Variants in PRKCH observed in about 807,000 individuals in gnomAD.
PRKCH encodes protein kinase C eta type.
In PRKCH, 28 loss-of-function variants were observed where a neutral mutation model predicts 82.5. That is an observed-to-expected ratio of 0.34 (90% confidence interval 0.25 to 0.47). The LOEUF (loss-of-function observed/expected upper bound fraction) is 0.47. Among genes scored for constraint, PRKCH ranks in the 20% least tolerant of loss-of-function variants. The pLI, the probability that PRKCH is intolerant of heterozygous loss-of-function variation, is 1.00. For missense variants in PRKCH, 705 were observed against 881.8 expected, an observed-to-expected ratio of 0.80 and a Z score of 2.54; for synonymous variants, 322 against 327.4, an observed-to-expected ratio of 0.98 and a Z score of 0.18.
At chr14:61,375,932 A>C (rs1278327258) in intron 1 of PRKCH, among the ~76,000 whole-genome samples, 1 of 151,140 alleles carries the variant, frequency 6.6e-6, no homozygotes, top group Non-Finnish European at 1.5e-5. Context: ...CAGGAGAATC[A>C]CTTGAACCCG....
Position 61,280,768 on chromosome 14 carries a change from G to C in PRKCH, c.-19+93100G>C. On this transcript the variant is annotated intron_variant, in intron 1 of 3. Transcript: ENST00000555185. The surrounding 1 kb of genome is among the most constrained non-coding windows in gnomAD (Gnocchi z 5.0). Reference sequence around the variant, plus strand: ...TCCGCTCAGCTGCGCGTCGTCGCGGGACACGCCGTAGCGCCGGTTGTTCTG... The same window carrying C: ...TCCGCTCAGCTGCGCGTCGTCGCGGCACACGCCGTAGCGCCGGTTGTTCTG... 6.4e-7 allele frequency: 1 copy of C among 1,558,064 alleles called. No individual in the cohort carries two copies. The highest frequency in any genetic ancestry group is 1.2e-5 in the South Asian group (1 of 83,488).
intron 1 of PRKCH, among the ~76,000 whole-genome samples, chr14:61,316,299 A>C (rs2045561668): frequency 6.6e-6 from 1 of 152,164 alleles, no homozygotes; most frequent in Non-Finnish European, 1.5e-5. Flanking sequence ...CTCTAATTCT[A>C]TTAAATGGAA....
intron 1 of PRKCH, among the ~76,000 whole-genome samples, chr14:61,274,185 G>A (rs942594423): frequency 3.3e-5 from 5 of 152,228 alleles, no homozygotes; most frequent in African/African-American, 1.2e-4. Flanking sequence ...AAGAATGAAT[G>A]AGTAAATTCT....
chr14:61,315,425 T>C (rs2045554732), intron 1 of PRKCH, among the ~76,000 whole-genome samples: 1 of 152,196 alleles, frequency 6.6e-6, no homozygotes, highest in Non-Finnish European at 1.5e-5. Flanking sequence ...GAAATAGAGA[T>C]AATAACATTT....
At chr14:61,319,403 GC>G (rs1057144873), upstream of PRKCH, among the ~76,000 whole-genome samples, 3 of 152,086 alleles carry the variant, frequency 2.0e-5, no homozygotes, top group Non-Finnish European at 4.4e-5. Context: ...GGGACTGTAA[GC>G]CCCAGGAGGG....
At chr14:61,392,693 T>C (rs1169894548) in intron 2 of PRKCH, among the ~76,000 whole-genome samples, 1 of 152,164 alleles carries the variant, frequency 6.6e-6, no homozygotes, top group Non-Finnish European at 1.5e-5. Flanking sequence ...GTGGCTTGCC[T>C]TTTCATTTTC....
intron 1 of PRKCH, among the ~76,000 whole-genome samples, chr14:61,240,654 C>T (rs2044829340): frequency 6.6e-6 from 1 of 152,006 alleles, no homozygotes; most frequent in Non-Finnish European, 1.5e-5. Flanking sequence ...CACCGAGAAC[C>T]TTCACCCTTT....
intron 1 of PRKCH, among the ~76,000 whole-genome samples, chr14:61,312,262 A>C (rs1463524727): frequency 6.6e-6 from 1 of 152,196 alleles, no homozygotes; most frequent in Non-Finnish European, 1.5e-5. Flanking sequence ...TCAGCTTCCT[A>C]AGCAGCTGGG....
At chr14:61,201,168 G>A (rs2044478196) in intron 1 of PRKCH, among the ~76,000 whole-genome samples, 1 of 152,146 alleles carries the variant, frequency 6.6e-6, no homozygotes, top group African/African-American at 2.4e-5. Context: ...TCATTCACGT[G>A]ACCTAATAAT....
intron 1 of PRKCH, among the ~76,000 whole-genome samples, chr14:61,237,123 G>A: frequency 6.6e-6 from 1 of 151,394 alleles, no homozygotes; most frequent in Non-Finnish European, 1.5e-5. Flanking sequence ...AGCGCCTGTG[G>A]TCCCAGCTAC....
chr14:61,413,540 C>G (rs1002723026), intron 2 of PRKCH, among the ~76,000 whole-genome samples: 38 of 152,002 alleles, frequency 2.5e-4, no homozygotes, highest in African/African-American at 9.2e-4. Context: ...TCCCACCCAT[C>G]CTGAGTCCTT....
At position 61,457,179 on chromosome 14, in the gene PRKCH, C is replaced by G. The variant is rs748033368; in HGVS notation, c.964C>G (p.Leu322Val). The G allele has an allele frequency of 1.9e-6, 3 of 1,613,918 alleles. No homozygotes were observed. Among genetic ancestry groups the G allele is most frequent in the South Asian group, 1.1e-5 (1 of 91,048 alleles). Reference protein sequence around the residue: ...QPGNISPTSKLVSRSTLRRQG... With the variant: ...QPGNISPTSKVVSRSTLRRQG... ...TAATGTGTTCTTACTCTTTCAGAAACTCGTTTCCAGATCGACCCTAAGACG... is the reference window on the plus strand; with the variant it reads ...TAATGTGTTCTTACTCTTTCAGAAAGTCGTTTCCAGATCGACCCTAAGACG... The change falls in exon 8 of 14, where the codon CTC becomes GTC. Residue 322 changes from leucine to valine, a missense_variant. This residue lies in a region of PRKCH where 238 missense variants were observed against 258.1 expected (regional missense o/e 0.92). Transcript: ENST00000332981.
intron 1 of PRKCH, chr14:61,281,355 T>G: frequency 1.2e-5 from 4 of 346,750 alleles, no homozygotes; most frequent in Non-Finnish European, 1.6e-5. Context: ...ACCCTCCCAG[T>G]TCCGCCTCCG....
chr14:61,480,987 A>G (rs1478635875), intron 9 of PRKCH, among the ~76,000 whole-genome samples: 1 of 151,998 alleles, frequency 6.6e-6, no homozygotes, highest in Non-Finnish European at 1.5e-5. Context: ...GACTCCTCTC[A>G]GAAGCTTCCC....
chr14:61,385,135 T>G (rs936238855), intron 1 of PRKCH, among the ~76,000 whole-genome samples: 1 of 151,158 alleles, frequency 6.6e-6, no homozygotes, highest in African/African-American at 2.5e-5. Flanking sequence ...TTATTGCTCC[T>G]TGAATGACTG....
At chr14:61,450,055 G>A (rs1466513499) in intron 5 of PRKCH, among the ~76,000 whole-genome samples, 3 of 152,128 alleles carry the variant, frequency 2.0e-5, no homozygotes, top group Non-Finnish European at 2.9e-5. Context: ...CAGAGGCATT[G>A]GAAGAATGAC....
At chr14:61,508,700 A>G (rs1887255329) in intron 10 of PRKCH, among the ~76,000 whole-genome samples, 1 of 152,124 alleles carries the variant, frequency 6.6e-6, no homozygotes, top group African/African-American at 2.4e-5. Flanking sequence ...CTGGTCTCAG[A>G]TAAGAGGAGT....
At chr14:61,481,944 CCCCACCA>C (rs1043490261) in intron 9 of PRKCH, among the ~76,000 whole-genome samples, 4 of 151,908 alleles carry the variant, frequency 2.6e-5, no homozygotes, top group African/African-American at 9.7e-5. Context: ...TGACTCCTCA[CCCCACCA>C]CCCACCACCT....
At chr14:61,240,921 T>C (rs192996124) in intron 1 of PRKCH, among the ~76,000 whole-genome samples, 66 of 148,430 alleles carry the variant, frequency 4.4e-4, no homozygotes, top group African/African-American at 1.5e-3. Flanking sequence ...TGAGGTTTTT[T>C]CCCCACACAC....
Sources: gnomAD v4.1 joint callset for allele counts (sites outside exome capture counted in the v4.1 genomes callset) on GRCh38, gnomAD v4.1.1 for gene constraint, gnomAD v4.1.1 regional missense constraint, Gnocchi (gnomAD v3.1) non-coding constraint, MANE v1.5 for transcripts, NCBI Gene and HGNC (gene_info 2026-07-23, HGNC 2026-07-21) for gene names.